LHFPL3: variants seen among roughly 807,000 people sequenced by gnomAD.
The protein encoded by LHFPL3 is LHFPL tetraspan subfamily member 3 protein.
Under a neutral mutation model 19.3 loss-of-function variants are expected in LHFPL3, and 5 were observed. The ratio of observed to expected loss-of-function variants is 0.26; its 90% CI spans 0.14 to 0.54. LHFPL3 has a LOEUF of 0.54. Among genes scored for constraint, LHFPL3 ranks in the 20% least tolerant of loss-of-function variants. The probability of loss-of-function intolerance (pLI) is 0.94; values close to 1 mark genes in which losing one functional copy is unlikely to be tolerated. For missense variants in LHFPL3, 249 were observed against 307.4 expected (o/e 0.81, Z 1.42); for synonymous variants, 133 against 126.2 (o/e 1.05, Z -0.36).
At chr7:104,370,882 CA>C (rs983700979) in intron 1 of LHFPL3, among the ~76,000 whole-genome samples, 1 of 151,856 alleles carries the variant, frequency 6.6e-6, no homozygotes, top group Non-Finnish European at 1.5e-5. Context: ...AACTCCATCT[CA>C]AAAAAAGATG....
chr7:104,634,253 C>T (rs769777917), intron 1 of LHFPL3, among the ~76,000 whole-genome samples: 2 of 152,162 alleles, frequency 1.3e-5, no homozygotes, highest in African/African-American at 2.4e-5. Flanking sequence ...TTTATTTTCT[C>T]TCAGTTCTGG....
At chr7:104,857,051 T>TTA (rs1791520063) in intron 2 of LHFPL3, among the ~76,000 whole-genome samples, 1 of 152,202 alleles carries the variant, frequency 6.6e-6, no homozygotes, top group Non-Finnish European at 1.5e-5. Context: ...TTTGCCTATA[T>TTA]TATCTCATTT....
rs561781841 is a variant in LHFPL3 at position 104,584,033 on chromosome 7, C to G, written c.446-152642C>G. Among the ~76,000 whole-genome samples, 21 of 152,104 alleles carry G rather than the reference C, an allele frequency of 1.4e-4. No homozygotes were observed. The East Asian group carries it at 4.1e-3, about 29-fold the overall frequency. On this transcript the variant is annotated intron_variant, in intron 1 of 2. Transcript: ENST00000424859. ...TGTATGTTTATTGCAGCATTATTCACAATAGCAAAGACTTGGAACCAACCC... is the reference window on the plus strand; with the variant it reads ...TGTATGTTTATTGCAGCATTATTCAGAATAGCAAAGACTTGGAACCAACCC...
intron 2 of LHFPL3, among the ~76,000 whole-genome samples, chr7:104,877,739 T>A (rs1411017577): frequency 6.6e-6 from 1 of 152,024 alleles, no homozygotes; most frequent in African/African-American, 2.4e-5. Context: ...TTAAACAGAG[T>A]TACCATATGA....
In LHFPL3 at chr7:104,828,853, GGT is replaced by G. The variant is rs575124127; in HGVS notation, c.683-77332_683-77331del. Among the ~76,000 whole-genome samples, 322 of 151,600 alleles carry G rather than the reference GGT, an allele frequency of 2.1e-3. 9 individuals carry two copies. The highest frequency in any genetic ancestry group is 7.6e-3 in the African/African-American group (313 of 41,228). On this transcript the variant is annotated intron_variant, in intron 2 of 2. Transcript: ENST00000424859. ...AGTTCGAGACCAGCCTGGCCAACAT[GGT>G]GAAACCCTGTCTCCACTAAAAATAC...
intron 1 of LHFPL3, among the ~76,000 whole-genome samples, chr7:104,586,705 A>G (rs1362345412): frequency 1.3e-5 from 2 of 152,262 alleles, no homozygotes; most frequent in Middle Eastern, 6.8e-3. Flanking sequence ...CTGAATTTTT[A>G]TAGAAGGCAG....
At chr7:104,640,896 T>C (rs1287410222) in intron 1 of LHFPL3, among the ~76,000 whole-genome samples, 1 of 152,234 alleles carries the variant, frequency 6.6e-6, no homozygotes, top group Non-Finnish European at 1.5e-5. Context: ...ATGGAGGGAA[T>C]TGCTCAGATA....
chr7:104,364,018 C>T (rs999680809), intron 1 of LHFPL3, among the ~76,000 whole-genome samples: 12 of 152,174 alleles, frequency 7.9e-5, no homozygotes, highest in Admixed American at 7.9e-4. Flanking sequence ...TCAGAATAAA[C>T]AAGTGCTGCA....
chr7:104,401,516 A>G (rs1791311571), intron 1 of LHFPL3, among the ~76,000 whole-genome samples: 1 of 152,230 alleles, frequency 6.6e-6, no homozygotes, highest in Admixed American at 6.5e-5. Context: ...TAGAAGAGAA[A>G]AAAATGAACA....
At chr7:104,365,750 C>T (rs1443544489) in intron 1 of LHFPL3, among the ~76,000 whole-genome samples, 1 of 132,592 alleles carries the variant, frequency 7.5e-6, no homozygotes, top group Non-Finnish European at 1.6e-5. Flanking sequence ...CACTGCAGTC[C>T]GCAGTCCGGC....
chr7:104,838,599 C>T (rs1347547363), intron 2 of LHFPL3, among the ~76,000 whole-genome samples: 1 of 152,166 alleles, frequency 6.6e-6, no homozygotes, highest in Non-Finnish European at 1.5e-5. Context: ...AAGTACAGAG[C>T]TTGCTTTCAA....
chr7:104,750,794 T>C (rs923222732), intron 2 of LHFPL3, among the ~76,000 whole-genome samples: 1 of 152,128 alleles, frequency 6.6e-6, no homozygotes, highest in Non-Finnish European at 1.5e-5. Context: ...GAGGAACAAA[T>C]GGCTGAATTG....
At chr7:104,410,164 C>A (rs915992661) in intron 1 of LHFPL3, among the ~76,000 whole-genome samples, 1 of 151,984 alleles carries the variant, frequency 6.6e-6, no homozygotes, top group Non-Finnish European at 1.5e-5. Flanking sequence ...TGAGTTTTTG[C>A]TCTTGTTGCC....
chr7:104,823,675 A>T (rs550311034), intron 2 of LHFPL3, among the ~76,000 whole-genome samples: 46 of 152,302 alleles, frequency 3.0e-4, no homozygotes, highest in African/African-American at 1.0e-3. Flanking sequence ...TTTGAGATTA[A>T]TTTGATCTTC....
At chr7:104,465,695 T>C (rs1241807959) in intron 1 of LHFPL3, among the ~76,000 whole-genome samples, 1 of 152,178 alleles carries the variant, frequency 6.6e-6, no homozygotes, top group Non-Finnish European at 1.5e-5. Flanking sequence ...AGCATAAGGG[T>C]AACTGCCCCC....
chr7:104,653,784 C>A (rs1419560797), intron 1 of LHFPL3, among the ~76,000 whole-genome samples: 1 of 152,188 alleles, frequency 6.6e-6, no homozygotes, highest in Non-Finnish European at 1.5e-5. Context: ...AAAAATTCAT[C>A]CCTCCTCCCA....
At chr7:104,421,630 T>A (rs1176014834) in intron 1 of LHFPL3, among the ~76,000 whole-genome samples, 2 of 152,120 alleles carry the variant, frequency 1.3e-5, no homozygotes, top group African/African-American at 4.8e-5. Context: ...CTGTCAACAC[T>A]GGAGATTCCT....
chr7:104,567,353 A>C (rs1344098885), intron 1 of LHFPL3, among the ~76,000 whole-genome samples: 2 of 152,170 alleles, frequency 1.3e-5, no homozygotes, highest in Non-Finnish European at 2.9e-5. Context: ...TACTGGCTTG[A>C]CAGAGACTTC....
intron 2 of LHFPL3, among the ~76,000 whole-genome samples, chr7:104,866,950 A>C (rs1791735542): frequency 6.6e-6 from 1 of 152,234 alleles, no homozygotes; most frequent in Non-Finnish European, 1.5e-5. Flanking sequence ...CTACATGGAA[A>C]CTGAACAACC....
Sources: allele counts gnomAD v4.1 joint callset (sites outside exome capture counted in the v4.1 genomes callset), GRCh38; gene constraint gnomAD v4.1.1; transcripts MANE v1.5; gene names NCBI Gene and HGNC (gene_info 2026-07-23, HGNC 2026-07-21).